ASTN2: variants seen among roughly 807,000 people sequenced by gnomAD.
The protein encoded by ASTN2 is astrotactin-2.
ASTN2 carries 54 observed loss-of-function variants against 139.8 expected under a neutral mutation model. That is an observed-to-expected ratio of 0.39 (90% CI 0.31 to 0.48). The LOEUF (loss-of-function observed/expected upper bound fraction) is 0.48. ASTN2 is among the 20% of genes least tolerant of loss of function. The pLI is 0.95. For missense variants in ASTN2, 1,565 were observed against 1,725.1 expected (o/e 0.91, Z 1.64); for synonymous variants, 756 against 719.5 (o/e 1.05, Z -0.81).
At chr9:116,706,381 T>C (rs1186472127) in intron 16 of ASTN2, among the ~76,000 whole-genome samples, 2 of 152,044 alleles carry the variant, frequency 1.3e-5, no homozygotes, top group African/African-American at 4.8e-5. Context: ...GACATGCCAG[T>C]AAGAAAGCTC....
intron 10 of ASTN2, among the ~76,000 whole-genome samples, chr9:116,941,284 G>C (rs1294630313): frequency 6.6e-6 from 1 of 151,880 alleles, no homozygotes; most frequent in Non-Finnish European, 1.5e-5. Context: ...GGATAATCTG[G>C]GATACTTGTG....
intron 1 of ASTN2, among the ~76,000 whole-genome samples, chr9:117,322,560 C>T (rs1402758577): frequency 6.6e-6 from 1 of 152,182 alleles, no homozygotes; most frequent in Non-Finnish European, 1.5e-5. Flanking sequence ...GTCTGCATGG[C>T]TGACATTCTG....
chr9:117,232,410 G>A (rs778786573), intron 2 of ASTN2, among the ~76,000 whole-genome samples: 21 of 151,962 alleles, frequency 1.4e-4, no homozygotes, highest in Non-Finnish European at 2.6e-4. Flanking sequence ...TCCCTTCATT[G>A]CTTCTTTTGC....
At chr9:117,332,716 G>A (rs1346286712) in intron 1 of ASTN2, among the ~76,000 whole-genome samples, 4 of 152,058 alleles carry the variant, frequency 2.6e-5, no homozygotes, top group African/African-American at 7.2e-5. Flanking sequence ...GTATATAACC[G>A]TACTATTCAC....
At chr9:117,220,050 AAG>A (rs1166519873) in intron 2 of ASTN2, among the ~76,000 whole-genome samples, 6 of 152,216 alleles carry the variant, frequency 3.9e-5, no homozygotes, top group Non-Finnish European at 8.8e-5. Flanking sequence ...TCACAGTGTG[AAG>A]AGTTATGCTA....
At chr9:116,769,594 T>C (rs1309001436) in intron 13 of ASTN2, among the ~76,000 whole-genome samples, 2 of 152,052 alleles carry the variant, frequency 1.3e-5, no homozygotes, top group Non-Finnish European at 2.9e-5. Context: ...CCTTAAAAGA[T>C]TGGAGAGGAT....
At chr9:117,386,146 G>A (rs7042295) in intron 1 of ASTN2, among the ~76,000 whole-genome samples, 15,751 of 146,936 alleles carry the variant, frequency 0.11, 873 homozygotes, top group East Asian at 0.18. Context: ...GAAAGGAGGG[G>A]AAAAAAAAAA....
At chr9:117,282,614 G>GTTTTCAGCTCCAAGATCCCACTATATTTC (rs1564124639) in intron 2 of ASTN2, among the ~76,000 whole-genome samples, 9 of 149,964 alleles carry the variant, frequency 6.0e-5, no homozygotes, top group African/African-American at 1.8e-4. Flanking sequence ...TTGGCCATGT[G>GTTTTCAGCTCCAAGATCCCACTATATTTC]ATGTGCTTTG....
rs2295742 is a variant in ASTN2, at chr9:116,651,797, G to C, written c.2807-4C>G. The C allele has an allele frequency of 4.3e-6, 7 of 1,612,160 alleles. No individual in the cohort carries two copies. The highest frequency in any genetic ancestry group is 5.9e-6 in the Non-Finnish European group (7 of 1,178,496). Reference sequence around the variant, plus strand: ...TTGCTGCCCAGCTCTGTGGTCTCTGGAGAGGCACAAGACAGGAAGAGCGAA... The same window carrying C: ...TTGCTGCCCAGCTCTGTGGTCTCTGCAGAGGCACAAGACAGGAAGAGCGAA... On this transcript the variant is annotated splice_region_variant and splice_polypyrimidine_tract_variant and intron_variant, in intron 16 of 22. Transcript: ENST00000313400.
At chr9:117,137,932 T>C (rs1338143270) in intron 4 of ASTN2, among the ~76,000 whole-genome samples, 1 of 152,126 alleles carries the variant, frequency 6.6e-6, no homozygotes, top group African/African-American at 2.4e-5. Flanking sequence ...TACTTGTCAG[T>C]GAGTCTAAGG....
chr9:117,272,288 G>T (rs367585208), intron 2 of ASTN2, among the ~76,000 whole-genome samples: 1 of 152,166 alleles, frequency 6.6e-6, no homozygotes, highest in African/African-American at 2.4e-5. Flanking sequence ...TGGAGAGGCT[G>T]GGACACAGGC....
At chr9:116,942,559 C>T (rs761204766) in intron 10 of ASTN2, among the ~76,000 whole-genome samples, 2 of 152,186 alleles carry the variant, frequency 1.3e-5, no homozygotes, top group Non-Finnish European at 2.9e-5. Context: ...TATGTGCCTG[C>T]AATGAAAGTC....
At chr9:117,380,734 C>G (rs1264216547) in intron 1 of ASTN2, among the ~76,000 whole-genome samples, 1 of 152,104 alleles carries the variant, frequency 6.6e-6, no homozygotes, top group Non-Finnish European at 1.5e-5. Flanking sequence ...TACCACTTCA[C>G]CCCACTAGGG....
At chr9:116,971,316 C>T (rs7856424) in intron 10 of ASTN2, among the ~76,000 whole-genome samples, 55,898 of 152,052 alleles carry the variant, frequency 0.37, 11,255 homozygotes, top group African/African-American at 0.53. Flanking sequence ...CCCTTCAACC[C>T]CTCACACTTG....
intron 20 of ASTN2, among the ~76,000 whole-genome samples, chr9:116,485,296 A>C (rs1321919): frequency 6.6e-6 from 1 of 152,046 alleles, no homozygotes; most frequent in Non-Finnish European, 1.5e-5. Flanking sequence ...CTCACTCAGC[A>C]TCACAGAGCT....
intron 5 of ASTN2, 96 bp downstream of exon 5, chr9:117,095,948 A>T: frequency 8.7e-7 from 1 of 1,149,590 alleles, no homozygotes; most frequent in Non-Finnish European, 1.3e-6. Flanking sequence ...GGACCAGGTT[A>T]GAGAAGATTT....
chr9:117,125,632 G>A (rs944131218), intron 4 of ASTN2, among the ~76,000 whole-genome samples: 6 of 152,182 alleles, frequency 3.9e-5, no homozygotes, highest in Non-Finnish European at 7.3e-5. Context: ...CCTGCAGAGA[G>A]AGCCTGCTAG....
intron 22 of ASTN2, among the ~76,000 whole-genome samples, chr9:116,436,765 T>C (rs1053897779): frequency 6.6e-6 from 1 of 151,992 alleles, no homozygotes; most frequent in African/African-American, 2.4e-5. Context: ...CACACGTATG[T>C]TTATTGCAGC....
Position 117,096,146 on chromosome 9 carries a change from T to C in ASTN2, c.1174A>G (p.Ile392Val), listed in dbSNP as rs1828835986. Residue 392 changes from isoleucine (I) to valine (V), a missense_variant, in exon 5 of 23, where the codon ATC becomes GTC. This residue lies in a region of ASTN2 where 596 missense variants were observed against 576.8 expected (regional missense o/e 1.03). Transcript: ENST00000313400. The stretch of plus-strand genomic sequence containing the variant: ...GTCCCCTTGGCTCTCCCAAAGCTGA[T>C]TCCTCCTGTGAGTAAGCACAGTCTA... ...RKRRSKSRGGISFGRAKGTSG... is the reference protein window; with the variant it reads ...RKRRSKSRGGVSFGRAKGTSG... The C allele has an allele frequency of 1.2e-6, 2 of 1,613,652 alleles. No homozygotes were observed. Among genetic ancestry groups the C allele is most frequent in the African/African-American group, 1.3e-5 (1 of 74,908 alleles).
Sources: gnomAD v4.1 joint callset for allele counts (sites outside exome capture counted in the v4.1 genomes callset) on GRCh38, gnomAD v4.1.1 for gene constraint, gnomAD v4.1.1 regional missense constraint, MANE v1.5 for transcripts, NCBI Gene and HGNC (gene_info 2026-07-23, HGNC 2026-07-21) for gene names.